SAMMSON: variants seen among roughly 807,000 people sequenced by gnomAD.
The protein encoded by SAMMSON is long intergenic non-protein coding RNA 1212.
chr3:70,345,427 A>G (rs557415093), intron 7 of SAMMSON, among the ~76,000 whole-genome samples: 74 of 152,290 alleles, frequency 4.9e-4, no homozygotes, highest in African/African-American at 1.8e-3. Flanking sequence ...TGCTTCATAC[A>G]TTTGTAATTC....
chr3:70,223,342 A>G (rs1701476653), intron 4 of SAMMSON, among the ~76,000 whole-genome samples: 1 of 152,080 alleles, frequency 6.6e-6, no homozygotes, highest in Admixed American at 6.6e-5. Flanking sequence ...TCTTACCACC[A>G]CCTATCTCTG....
chr3:70,278,201 T>G (rs1702046646), intron 6 of SAMMSON, among the ~76,000 whole-genome samples: 1 of 152,170 alleles, frequency 6.6e-6, no homozygotes, highest in Non-Finnish European at 1.5e-5. Context: ...TTTATTTATA[T>G]CTAACTTTAT....
intron 7 of SAMMSON, among the ~76,000 whole-genome samples, chr3:70,297,159 A>G (rs9826054): frequency 0.35 from 53,900 of 151,934 alleles, 9,858 homozygotes; most frequent in East Asian, 0.52. Context: ...TGCACAGTAC[A>G]CTGCTTGTCA....
At chr3:70,059,772 C>T (rs537388977) in intron 3 of SAMMSON, among the ~76,000 whole-genome samples, 1 of 151,958 alleles carries the variant, frequency 6.6e-6, no homozygotes, top group Non-Finnish European at 1.5e-5. Flanking sequence ...ATAAAATTAA[C>T]CCCCCCAGTT....
chr3:70,209,801 C>T (rs1369058045), intron 4 of SAMMSON, among the ~76,000 whole-genome samples: 5 of 152,080 alleles, frequency 3.3e-5, no homozygotes, highest in Non-Finnish European at 7.4e-5. Context: ...TGCCCAAAAT[C>T]GAGCCTTGCA....
intron 4 of SAMMSON, among the ~76,000 whole-genome samples, chr3:70,103,322 C>T (rs992202084): frequency 2.0e-5 from 3 of 152,074 alleles, no homozygotes; most frequent in African/African-American, 7.2e-5. Context: ...AATGTGGAGA[C>T]CAGATTGAGG....
chr3:70,430,700 G>A (rs1334218207), intron 2 of SAMMSON, among the ~76,000 whole-genome samples: 1 of 152,038 alleles, frequency 6.6e-6, no homozygotes, highest in Non-Finnish European at 1.5e-5. Flanking sequence ...AGCACCAATC[G>A]AGTCTCTACC....
intron 4 of SAMMSON, among the ~76,000 whole-genome samples, chr3:70,244,973 T>C (rs1701693115): frequency 6.6e-6 from 1 of 152,168 alleles, no homozygotes; most frequent in African/African-American, 2.4e-5. Flanking sequence ...TCATACTACT[T>C]ATCTGGTGCT....
chr3:70,390,951 CA>C (rs747343775), downstream of SAMMSON, among the ~76,000 whole-genome samples: 22 of 152,168 alleles, frequency 1.4e-4, no homozygotes, highest in Non-Finnish European at 2.8e-4. Flanking sequence ...ATATTCCAGC[CA>C]GATATTTTGT....
At chr3:70,155,546 G>T (rs974470164) in intron 4 of SAMMSON, among the ~76,000 whole-genome samples, 1 of 152,052 alleles carries the variant, frequency 6.6e-6, no homozygotes, top group African/African-American at 2.4e-5. Flanking sequence ...ATAAGATGAA[G>T]AATTTAACAG....
downstream of SAMMSON, among the ~76,000 whole-genome samples, chr3:70,393,517 T>G (rs1701067041): frequency 6.6e-6 from 1 of 152,216 alleles, no homozygotes; most frequent in Non-Finnish European, 1.5e-5. Flanking sequence ...AGATAATCCC[T>G]GCACTGGTAG....
intron 7 of SAMMSON, among the ~76,000 whole-genome samples, chr3:70,310,631 G>C (rs979028913): frequency 1.8e-4 from 27 of 152,040 alleles, no homozygotes; most frequent in Non-Finnish European, 3.4e-4. Flanking sequence ...CTCCCAAAGT[G>C]CTGGGATTAT....
downstream of SAMMSON, among the ~76,000 whole-genome samples, chr3:70,391,548 T>C (rs1212183643): frequency 1.3e-5 from 2 of 152,188 alleles, no homozygotes; most frequent in Non-Finnish European, 2.9e-5. Context: ...TAGTCTGTAG[T>C]CCAATTATAT....
chr3:70,423,227 G>A (rs1559586563), intron 2 of SAMMSON, among the ~76,000 whole-genome samples: 2 of 152,060 alleles, frequency 1.3e-5, no homozygotes, highest in Non-Finnish European at 2.9e-5. Flanking sequence ...GTTACCAGTG[G>A]GGCTGGGGAT....
intron 3 of SAMMSON, among the ~76,000 whole-genome samples, chr3:70,066,591 A>T (rs892673796): frequency 5.3e-5 from 8 of 152,166 alleles, no homozygotes; most frequent in African/African-American, 1.9e-4. Flanking sequence ...TTCCAAACAG[A>T]GTATCATATT....
In SAMMSON at chr3:70,229,496, T is replaced by A. The variant is rs773076707; in HGVS notation, n.508-19611T>A. 4.6e-5 allele frequency among the ~76,000 whole-genome samples: 7 copies of A among 152,358 alleles called. No homozygotes were observed. The South Asian group carries it at 1.2e-3, about 27-fold the overall frequency. On this transcript the variant is annotated intron_variant and non_coding_transcript_variant, in intron 4 of 9. Transcript: ENST00000642114. Reference sequence around the variant, plus strand: ...CCTTTTTCTGGGCACACGGTTAAACTATATTTTTCTGGTTTTCTTGCATCT... The same window carrying A: ...CCTTTTTCTGGGCACACGGTTAAACAATATTTTTCTGGTTTTCTTGCATCT...
At chr3:70,093,429 T>A (rs937411668) in intron 4 of SAMMSON, among the ~76,000 whole-genome samples, 3 of 152,188 alleles carry the variant, frequency 2.0e-5, no homozygotes, top group Admixed American at 1.3e-4. Context: ...GTCAATGGCT[T>A]GGATTGTAGA....
chr3:70,372,955 T>A (rs1702983166), intron 9 of SAMMSON, among the ~76,000 whole-genome samples: 1 of 152,212 alleles, frequency 6.6e-6, no homozygotes, highest in Admixed American at 6.5e-5. Context: ...TATAATTGTT[T>A]TAAAATCTTC....
rs115685428 is a variant in SAMMSON, at chr3:70,063,564, C to T, written n.418-7912C>T. Among the ~76,000 whole-genome samples, 1,019 of 152,216 alleles carry T rather than the reference C, an allele frequency of 6.7e-3. 11 individuals are homozygous for T. The highest frequency in any genetic ancestry group is 0.022 in the African/African-American group (910 of 41,554). On this transcript the variant is annotated intron_variant and non_coding_transcript_variant, in intron 3 of 9. Coordinates refer to ENST00000642114, the Ensembl canonical transcript of SAMMSON. ...AGCTGCAAAGAATTACATCTTTGAG[C>T]AGCCCTTCCCCCGCAAACAGATTTT...
Sources: allele counts gnomAD v4.1 joint callset (sites outside exome capture counted in the v4.1 genomes callset), GRCh38; gene constraint gnomAD v4.1.1; transcripts MANE v1.5; gene names NCBI Gene and HGNC (gene_info 2026-07-23, HGNC 2026-07-21).